PRKAA2: variants seen among roughly 807,000 people sequenced by gnomAD.
PRKAA2 encodes the protein protein kinase AMP-activated catalytic subunit alpha 2.
A neutral mutation model predicts 56.3 loss-of-function variants in PRKAA2; 40 were observed. The observed-to-expected ratio is 0.71, with a 90% CI of 0.55 to 0.92. PRKAA2 has a LOEUF of 0.92. Ranked by LOEUF, PRKAA2 falls within the 40% of genes least tolerant of loss-of-function variation. The pLI is 0.00. For synonymous variants in PRKAA2, 214 were observed against 234.2 expected, an observed-to-expected ratio of 0.91 and a Z score of 0.79; for missense variants, 542 against 686.9, an observed-to-expected ratio of 0.79 and a Z score of 2.36.
chr1:56,682,227 G>T (rs531683390), intron 2 of PRKAA2, among the ~76,000 whole-genome samples: 8 of 151,998 alleles, frequency 5.3e-5, no homozygotes, highest in Admixed American at 5.3e-4. Context: ...TTATGTTCTG[G>T]ACAGTAAGTA....
At chr1:56,673,726 C>G (rs1170828938) in intron 1 of PRKAA2, among the ~76,000 whole-genome samples, 1 of 152,208 alleles carries the variant, frequency 6.6e-6, no homozygotes, top group Non-Finnish European at 1.5e-5. Context: ...CAGATGAGCA[C>G]TGGTCATCTT....
chr1:56,682,523 G>A (rs1419809034), intron 2 of PRKAA2, among the ~76,000 whole-genome samples: 1 of 152,208 alleles, frequency 6.6e-6, no homozygotes, highest in African/African-American at 2.4e-5. Flanking sequence ...CAGGAGTGGA[G>A]TGAGGAGAAG....
At chr1:56,689,705 G>A (rs1458526614) in intron 2 of PRKAA2, among the ~76,000 whole-genome samples, 3 of 152,142 alleles carry the variant, frequency 2.0e-5, no homozygotes, top group Non-Finnish European at 4.4e-5. Context: ...GAGTGGCAGA[G>A]CAAGACTCTG....
chr1:56,661,935 C>A (rs1207682618), intron 1 of PRKAA2, among the ~76,000 whole-genome samples: 3 of 151,892 alleles, frequency 2.0e-5, no homozygotes, highest in Admixed American at 2.0e-4. Context: ...TTATAATCTT[C>A]ACTATGTTGT....
rs567899466 is a variant in PRKAA2, at chr1:56,712,202, C to T, written c.*4489C>T. On this transcript the variant is annotated 3_prime_UTR_variant, in exon 9 of 9. Coordinates refer to ENST00000371244, the MANE Select transcript of PRKAA2 (RefSeq NM_006252.4). ...CAGAAAGCTCTTCATAAAGCTTTAACACCATACAAGTATCCAGCAGTGATC... is the reference window on the plus strand; with the variant it reads ...CAGAAAGCTCTTCATAAAGCTTTAATACCATACAAGTATCCAGCAGTGATC... The T allele has an allele frequency of 6.6e-6, 1 of 152,268 alleles. No homozygotes were observed. The highest frequency in any genetic ancestry group is 1.9e-4 in the East Asian group (1 of 5,180). 9.4% of individuals were successfully genotyped at this position (152,268 alleles called of 1,614,324 possible).
intron 1 of PRKAA2, among the ~76,000 whole-genome samples, chr1:56,653,696 T>C (rs991257141): frequency 6.6e-6 from 1 of 152,148 alleles, no homozygotes; most frequent in African/African-American, 2.4e-5. Context: ...GAATAATCTG[T>C]GATCTGGTTC....
chr1:56,692,274 C>T, intron 3 of PRKAA2, 84 bp from the exon 4 acceptor site: 2 of 1,530,088 alleles, frequency 1.3e-6, no homozygotes, highest in South Asian at 1.2e-5. Context: ...TCAGGTAATC[C>T]ACCTGCCTTG....
At chr1:56,698,107 G>T (rs1644271132) in intron 6 of PRKAA2, among the ~76,000 whole-genome samples, 1 of 146,798 alleles carries the variant, frequency 6.8e-6, no homozygotes. Context: ...TAAAGAGATG[G>T]GGTCTTGCTA....
At chr1:56,693,608 T>G (rs931674694) in intron 4 of PRKAA2, among the ~76,000 whole-genome samples, 157 bp from the exon 5 acceptor site, 1 of 152,080 alleles carries the variant, frequency 6.6e-6, no homozygotes, top group Non-Finnish European at 1.5e-5. Context: ...TCTGAGACGG[T>G]CTCTTTCCAG....
At chr1:56,706,293 C>G (rs926254237) in intron 8 of PRKAA2, 75 bp downstream of exon 8, 1 of 1,530,856 alleles carries the variant, frequency 6.5e-7, no homozygotes, top group Non-Finnish European at 8.8e-7. Flanking sequence ...AAAATCATCT[C>G]GAAGACATCC....
chr1:56,695,887 A>G, intron 5 of PRKAA2, 48 bp from the exon 6 acceptor site: 1 of 1,529,398 alleles, frequency 6.5e-7, no homozygotes. Flanking sequence ...TACATAGAGA[A>G]AAAGTGATTC....
chr1:56,673,899 T>C (rs2100404362), intron 1 of PRKAA2, among the ~76,000 whole-genome samples: 1 of 152,286 alleles, frequency 6.6e-6, no homozygotes, highest in East Asian at 1.9e-4. Flanking sequence ...TAAGAGGACT[T>C]TATGAAAAAG....
chr1:56,689,223 A>G (rs888363852), intron 2 of PRKAA2, among the ~76,000 whole-genome samples: 3 of 152,222 alleles, frequency 2.0e-5, no homozygotes, highest in African/African-American at 4.8e-5. Context: ...CACCTGCCCT[A>G]CAGTATTCAG....
At chr1:56,703,792 C>A (rs72668334) in intron 6 of PRKAA2, among the ~76,000 whole-genome samples, 179 bp from the exon 7 acceptor site, 2,992 of 152,220 alleles carry the variant, frequency 0.02, 40 homozygotes, top group Non-Finnish European at 0.027. Flanking sequence ...GTCTTAATAA[C>A]CATAGTTATT....
At chr1:56,656,725 G>A (rs76830149) in intron 1 of PRKAA2, among the ~76,000 whole-genome samples, 2,973 of 152,274 alleles carry the variant, frequency 0.02, 108 homozygotes, top group African/African-American at 0.068. Flanking sequence ...GTACCCCTGT[G>A]TGATGAGGAG....
chr1:56,649,558 ATAGT>A (rs989353962), intron 1 of PRKAA2, among the ~76,000 whole-genome samples: 4 of 152,280 alleles, frequency 2.6e-5, no homozygotes, highest in Middle Eastern at 3.4e-3. Context: ...AGATAGATAG[ATAGT>A]TAGATAAATG....
chr1:56,701,357 T>G (rs1399098850), intron 6 of PRKAA2, among the ~76,000 whole-genome samples: 1 of 151,900 alleles, frequency 6.6e-6, no homozygotes, highest in African/African-American at 2.4e-5. Context: ...ATTGCGCTAC[T>G]GCACTCCAGC....
chr1:56,692,466 T>C lies in PRKAA2; in HGVS notation c.439T>C (p.Leu147=), dbSNP rs749692327. The change falls in exon 4 of 9, where the codon TTG becomes CTG. Residue 147 remains leucine (L), a synonymous_variant. Coordinates refer to ENST00000371244, the MANE Select transcript of PRKAA2 (RefSeq NM_006252.4). ...AGACCTGAAACCAGAGAATGTCCTG[T>C]TGGATGCACACATGAATGCCAAGAT... ...HRDLKPENVL[L]DAHMNAKIAD... 1 of 1,614,126 alleles carries C rather than the reference T, an allele frequency of 6.2e-7. No homozygotes were observed.
chr1:56,691,951 T>C (rs1038102533), intron 3 of PRKAA2, among the ~76,000 whole-genome samples: 1 of 152,120 alleles, frequency 6.6e-6, no homozygotes, highest in African/African-American at 2.4e-5. Context: ...TGTTGAGAAT[T>C]CCAACATAAT....
Sources: allele counts gnomAD v4.1 joint callset (sites outside exome capture counted in the v4.1 genomes callset), GRCh38; gene constraint gnomAD v4.1.1; transcripts MANE v1.5; gene names NCBI Gene and HGNC (gene_info 2026-07-23, HGNC 2026-07-21).